PRRX1: variants seen among roughly 807,000 people sequenced by gnomAD.
PRRX1 encodes paired mesoderm homeobox protein 1.
In PRRX1, 8 loss-of-function variants were observed where a neutral mutation model predicts 24.0. The observed-to-expected ratio is 0.33, with a 90% confidence interval of 0.20 to 0.60. The LOEUF (loss-of-function observed/expected upper bound fraction) is 0.60. PRRX1 is among the 20% of genes least tolerant of loss of function. The pLI is 0.82. For synonymous variants in PRRX1, 160 were observed against 131.7 expected, an observed-to-expected ratio of 1.22 and a Z score of -1.47; for missense variants, 281 against 322.4, an observed-to-expected ratio of 0.87 and a Z score of 0.98.
chr1:170,714,616 G>T lies in PRRX1; in HGVS notation c.242-5110G>T, dbSNP rs573265132. ...TGACCAATGATTTGGAATCTCTAAG[G>T]TTCCTCCCACAGGATGCAGAGCAGA... On this transcript the variant is annotated intron_variant, in intron 1 of 3. Coordinates refer to ENST00000239461, the MANE Select transcript of PRRX1 (RefSeq NM_022716.4). Among the ~76,000 whole-genome samples the T allele has an allele frequency of 7.9e-5, 12 of 152,250 alleles. No homozygotes were observed. In the East Asian group the frequency reaches 1.7e-3, roughly 22 times the overall value.
chr1:170,682,884 G>T (rs376149439), intron 1 of PRRX1, among the ~76,000 whole-genome samples: 3 of 152,230 alleles, frequency 2.0e-5, no homozygotes, highest in Non-Finnish European at 4.4e-5. Context: ...ACTATGTAGA[G>T]AGCAGGGTGA....
chr1:170,671,954 T>C (rs1653158555), intron 1 of PRRX1, among the ~76,000 whole-genome samples: 1 of 152,166 alleles, frequency 6.6e-6, no homozygotes, highest in African/African-American at 2.4e-5. Context: ...ATTAGTGAGA[T>C]GTTGAAAAAC....
At chr1:170,678,514 T>A (rs1458208740) in intron 1 of PRRX1, among the ~76,000 whole-genome samples, 1 of 152,234 alleles carries the variant, frequency 6.6e-6, no homozygotes, top group Non-Finnish European at 1.5e-5. Context: ...TAAGTGAGTG[T>A]TAGGCGAAGA....
intron 1 of PRRX1, among the ~76,000 whole-genome samples, chr1:170,673,983 C>T (rs1395959549): frequency 6.6e-6 from 1 of 152,190 alleles, no homozygotes; most frequent in Non-Finnish European, 1.5e-5. Flanking sequence ...TAATAGATCC[C>T]TAAAGAATAT....
chr1:170,667,780 T>C (rs987891729), intron 1 of PRRX1: 2 of 152,240 alleles, frequency 1.3e-5, no homozygotes, highest in African/African-American at 4.8e-5. Context: ...AAAGAAGCCT[T>C]TGGCTCTTTT....
chr1:170,690,739 C>T (rs1653916963), intron 1 of PRRX1, among the ~76,000 whole-genome samples: 2 of 151,946 alleles, frequency 1.3e-5, no homozygotes, highest in Admixed American at 1.3e-4. Context: ...AAATATGTGC[C>T]ACCTGAATTA....
intron 1 of PRRX1, 100 bp from the exon 2 acceptor site, chr1:170,719,626 C>G (rs186835521): frequency 7.6e-7 from 1 of 1,318,844 alleles, no homozygotes; most frequent in African/African-American, 1.5e-5. Context: ...AAGATGTGAG[C>G]AAATGAAGCA....
rs1409493737 is a variant in PRRX1, at chr1:170,738,995, T to A, written c.*2809T>A. ...ATATACATGTTGTACAAGCTCTCAA[T>A]TTTGTTCATTTATTATCAAATTTTT... On this transcript the variant is annotated 3_prime_UTR_variant, in exon 4 of 4. Transcript: ENST00000239461. The A allele has an allele frequency of 8.9e-6, 2 of 223,492 alleles. No individual in the cohort carries two copies. The highest frequency in any genetic ancestry group is 3.7e-4 in the South Asian group (2 of 5,432). 13.8% of individuals were successfully genotyped at this position (223,492 alleles called of 1,614,324 possible). A position where few individuals can be genotyped will look rare whatever the true frequency, so the allele number is the denominator to read the frequency against.
At chr1:170,679,256 C>A (rs1485315719) in intron 1 of PRRX1, among the ~76,000 whole-genome samples, 1 of 152,134 alleles carries the variant, frequency 6.6e-6, no homozygotes, top group Non-Finnish European at 1.5e-5. Context: ...AATATGTGAA[C>A]AAACAAGTGA....
intron 1 of PRRX1, among the ~76,000 whole-genome samples, chr1:170,713,725 T>C (rs1654818794): frequency 6.6e-6 from 1 of 152,246 alleles, no homozygotes; most frequent in South Asian, 2.1e-4. Flanking sequence ...CCAGAGAACA[T>C]ATGTCATTTC....
chr1:170,671,217 C>G (rs1653131034), intron 1 of PRRX1, among the ~76,000 whole-genome samples: 2 of 152,142 alleles, frequency 1.3e-5, no homozygotes, highest in Non-Finnish European at 2.9e-5. Flanking sequence ...CACGGAAACT[C>G]GGATGCAGTA....
intron 1 of PRRX1, among the ~76,000 whole-genome samples, chr1:170,683,292 G>C (rs777007116): frequency 6.6e-6 from 1 of 152,196 alleles, no homozygotes; most frequent in Non-Finnish European, 1.5e-5. Flanking sequence ...GTATGGGTGA[G>C]GATAGAGCAG....
At chr1:170,706,329 C>A (rs960325937) in intron 1 of PRRX1, among the ~76,000 whole-genome samples, 5 of 152,202 alleles carry the variant, frequency 3.3e-5, no homozygotes, top group African/African-American at 1.2e-4. Flanking sequence ...TTATTCTTTA[C>A]TATATACCTC....
intron 1 of PRRX1, among the ~76,000 whole-genome samples, chr1:170,689,839 C>CCCTCTCT (rs1558049693): frequency 1.1e-5 from 1 of 91,600 alleles, no homozygotes; most frequent in Non-Finnish European, 2.3e-5. Context: ...TCTCTCTCTC[C>CCCTCTCT]CTCTCTCTCT....
At chr1:170,681,284 A>G (rs1211704364) in intron 1 of PRRX1, among the ~76,000 whole-genome samples, 1 of 152,158 alleles carries the variant, frequency 6.6e-6, no homozygotes, top group African/African-American at 2.4e-5. Context: ...AGTTATTGAC[A>G]AACCAGAACT....
At chr1:170,714,003 A>ATG (rs1451353032) in intron 1 of PRRX1, among the ~76,000 whole-genome samples, 1 of 152,164 alleles carries the variant, frequency 6.6e-6, no homozygotes, top group African/African-American at 2.4e-5. Context: ...TGTTGAGACG[A>ATG]TGTGTGTGTG....
chr1:170,707,796 G>A (rs562989277), intron 1 of PRRX1, among the ~76,000 whole-genome samples: 1 of 152,218 alleles, frequency 6.6e-6, no homozygotes, highest in South Asian at 2.1e-4. Context: ...GTTTGTCCTT[G>A]TTCTTGGTTC....
Position 170,736,274 on chromosome 1 carries a change from G to A in PRRX1, c.*88G>A, listed in dbSNP as rs1655600158. 2 of 1,532,978 alleles carry A rather than the reference G, an allele frequency of 1.3e-6. No homozygotes were observed. The highest frequency in any genetic ancestry group is 2.3e-5 in the South Asian group (2 of 86,468). The allele number at this position is 1,532,978 out of a possible 1,614,324, so 95.0% of individuals were successfully genotyped here. A position where few individuals can be genotyped will look rare whatever the true frequency, so the allele number is the denominator to read the frequency against. On this transcript the variant is annotated 3_prime_UTR_variant, in exon 4 of 4. Transcript: ENST00000239461. ...CTGTTATTTCTTCATCTGCTGGGGG[G>A]AAAAAGTAAATTACAAACAAACAAA...
chr1:170,732,362 T>C (rs1655461793), intron 3 of PRRX1, among the ~76,000 whole-genome samples: 1 of 152,230 alleles, frequency 6.6e-6, no homozygotes, highest in Admixed American at 6.5e-5. Context: ...CTCAAGGCTC[T>C]CTTGCATCTG....
Sources: allele counts gnomAD v4.1 joint callset (sites outside exome capture counted in the v4.1 genomes callset), GRCh38; gene constraint gnomAD v4.1.1; transcripts MANE v1.5; gene names NCBI Gene and HGNC (gene_info 2026-07-23, HGNC 2026-07-21).